PCDHGA7: variants seen among roughly 807,000 people sequenced by gnomAD.
PCDHGA7 encodes protocadherin gamma subfamily A, 7, also known as protocadherin gamma-A7.
Under a neutral mutation model 58.3 loss-of-function variants are expected in PCDHGA7, and 44 were observed. That is an observed-to-expected ratio of 0.75 (90% confidence interval 0.59 to 0.97). The LOEUF is 0.97. PCDHGA7 is among the 50% of genes least tolerant of loss of function. The probability of loss-of-function intolerance (pLI) is 0.00; values close to 1 mark genes in which losing one functional copy is unlikely to be tolerated. For missense variants in PCDHGA7, 1,266 were observed against 1,188.7 expected (o/e 1.06, Z -0.96); for synonymous variants, 516 against 504.2 (o/e 1.02, Z -0.31).
At chr5:141,456,341 C>G (rs950158154) in intron 1 of PCDHGA7, among the ~76,000 whole-genome samples, 4 of 152,034 alleles carry the variant, frequency 2.6e-5, no homozygotes, top group Admixed American at 1.3e-4. Context: ...TAAGGGTCCT[C>G]GGAAGAATGG....
chr5:141,415,096 G>A (rs1398998410), intron 1 of PCDHGA7: 3 of 1,613,462 alleles, frequency 1.9e-6, no homozygotes, highest in Non-Finnish European at 2.5e-6. Flanking sequence ...GGACAGAGAC[G>A]CGCTCAAGCA....
intron 1 of PCDHGA7, chr5:141,427,998 C>G: frequency 6.2e-7 from 1 of 1,600,956 alleles, no homozygotes; most frequent in Non-Finnish European, 8.6e-7. Context: ...TGGCTCCGCA[C>G]TCTTCGATAT....
intron 1 of PCDHGA7, chr5:141,428,087 G>A (rs2097108117): frequency 6.2e-7 from 1 of 1,609,106 alleles, no homozygotes; most frequent in Non-Finnish European, 8.5e-7. Context: ...ACAACGCTTG[G>A]CTGTCCTACC....
At chr5:141,422,167 A>G in intron 1 of PCDHGA7, 1 of 1,562,764 alleles carries the variant, frequency 6.4e-7, no homozygotes, top group Non-Finnish European at 8.6e-7. Context: ...TGAAAAATAT[A>G]GATTCTATGA....
Position 141,477,649 on chromosome 5 carries a change from A to G in PCDHGA7, c.2425-17158A>G, listed in dbSNP as rs2099415032. 3.7e-6 allele frequency: 6 copies of G among 1,614,076 alleles called. No individual in the cohort carries two copies. Among genetic ancestry groups the G allele is most frequent in the Non-Finnish European group, 5.1e-6 (6 of 1,180,048 alleles). ...CCGGGCTAGTGGGTCGCTATTTCAC[A>G]ATAAATCGTGACAATGGCATAGTGT... On this transcript the variant is annotated intron_variant, in intron 1 of 3. Transcript: ENST00000518325. The surrounding 1 kb of genome is among the most constrained non-coding windows in gnomAD (Gnocchi z 4.9).
rs543209695 is a variant in PCDHGA7, at chr5:141,431,563, C to A, written c.2424+46240C>A. The stretch of plus-strand genomic sequence containing the variant: ...AGCTGCTTGTAGTCAACGCTACCGA[C>A]CCTGACGAAGGAGTCAATGCGGAAG... On this transcript the variant is annotated intron_variant, in intron 1 of 3. Coordinates refer to ENST00000518325, the MANE Select transcript of PCDHGA7 (RefSeq NM_018920.4). The surrounding 1 kb of genome is among the most constrained non-coding windows in gnomAD (Gnocchi z 4.8). 1.2e-6 allele frequency: 2 copies of A among 1,614,144 alleles called. No individual in the cohort carries two copies. The highest frequency in any genetic ancestry group is 2.7e-5 in the African/African-American group (2 of 75,072).
Position 141,389,814 on chromosome 5 carries a change from G to C in PCDHGA7, c.2424+4491G>C, listed in dbSNP as rs753211260. 2.0e-5 allele frequency: 32 copies of C among 1,613,868 alleles called. No individual in the cohort carries two copies. In the Admixed American group the frequency reaches 5.0e-4, roughly 25 times the overall value. ...CGTCCGCCAGCGCCTTCTGGTCGCCGTGCGTGACGGTGGACAGCCACCACT... is the reference window on the plus strand; with the variant it reads ...CGTCCGCCAGCGCCTTCTGGTCGCCCTGCGTGACGGTGGACAGCCACCACT... On this transcript the variant is annotated intron_variant, in intron 1 of 3. Transcript: ENST00000518325.
In PCDHGA7 at chr5:141,413,207, C is replaced by G. The variant is rs563279284; in HGVS notation, c.2424+27884C>G. The G allele has an allele frequency of 2.1e-4, 334 of 1,612,874 alleles. 3 individuals carry two copies. In the South Asian group the frequency reaches 3.4e-3, roughly 17 times the overall value. On this transcript the variant is annotated intron_variant, in intron 1 of 3. Coordinates refer to ENST00000518325, the MANE Select transcript of PCDHGA7 (RefSeq NM_018920.4). ...GCTCAAAGGAATCGCTCAAAGGAAT[C>G]AAAGGATTGCAGCGGGCTGGTCCTG... is the stretch of plus-strand genomic sequence containing the variant.
At chr5:141,478,625 T>A in intron 1 of PCDHGA7, 3 of 1,554,218 alleles carry the variant, frequency 1.9e-6, no homozygotes, top group Non-Finnish European at 2.6e-6. Context: ...ATGGAGCTGT[T>A]TTTTTAGTGA....
chr5:141,421,933 G>A (rs1310432014), intron 1 of PCDHGA7: 1 of 1,613,446 alleles, frequency 6.2e-7, no homozygotes, highest in Non-Finnish European at 8.5e-7. Flanking sequence ...GGTCCTCGAT[G>A]TAAATGATCA....
intron 1 of PCDHGA7, chr5:141,413,694 C>G (rs2095667651): frequency 1.2e-6 from 2 of 1,613,800 alleles, no homozygotes; most frequent in East Asian, 4.5e-5. Context: ...CCCTGCAGAG[C>G]TATCAGCTCA....
At chr5:141,414,748 G>A in intron 1 of PCDHGA7, 5 of 1,614,182 alleles carry the variant, frequency 3.1e-6, no homozygotes, top group Non-Finnish European at 4.2e-6. Context: ...CAGATCCTTC[G>A]ACTATGAGCA....
chr5:141,393,731 T>C (rs1268576228), intron 1 of PCDHGA7: 1 of 1,613,754 alleles, frequency 6.2e-7, no homozygotes, highest in Non-Finnish European at 8.5e-7. Context: ...TAGCAAAAAG[T>C]CTAGATTATG....
At position 141,486,449 on chromosome 5, in the gene PCDHGA7, A is replaced by G; in HGVS notation, c.2425-8358A>G. On this transcript the variant is annotated intron_variant, in intron 1 of 3. Coordinates refer to ENST00000518325, the MANE Select transcript of PCDHGA7 (RefSeq NM_018920.4). The surrounding 1 kb of genome is among the most constrained non-coding windows in gnomAD (Gnocchi z 5.0). The stretch of plus-strand genomic sequence containing the variant: ...CAAATCTAGCTATGACATCATGGTC[A>G]CTGCTTCTGATGCTGGGAACCCTCC... The G allele has an allele frequency of 6.2e-7, 1 of 1,614,184 alleles. No homozygotes were observed. Among genetic ancestry groups the G allele is most frequent in the Non-Finnish European group, 8.5e-7 (1 of 1,180,000 alleles).
chr5:141,432,873 T>G lies in PCDHGA7; in HGVS notation c.2424+47550T>G, dbSNP rs753576338. The stretch of plus-strand genomic sequence containing the variant: ...GTGGCCGCGGTCTCCTGCGTCTTCC[T>G]GGCCTTCGTCATCTTGCTGCTGGCG... On this transcript the variant is annotated intron_variant, in intron 1 of 3. Transcript: ENST00000518325. This position sits in a 1 kb window ranked among gnomAD's most constrained non-coding sequence, Gnocchi z 6.0. 4 of 1,614,204 alleles carry G rather than the reference T, an allele frequency of 2.5e-6. No homozygotes were observed. The highest frequency in any genetic ancestry group is 3.4e-6 in the Non-Finnish European group (4 of 1,180,014).
At chr5:141,395,315 G>A in intron 1 of PCDHGA7, 1 of 1,486,272 alleles carries the variant, frequency 6.7e-7, no homozygotes, top group Middle Eastern at 1.8e-4. Context: ...AAAACATTGT[G>A]AAGATAGTTG....
intron 2 of PCDHGA7, among the ~76,000 whole-genome samples, chr5:141,499,780 G>A (rs776654854): frequency 1.4e-5 from 2 of 145,766 alleles, no homozygotes; most frequent in Non-Finnish European, 3.0e-5. Flanking sequence ...TTCGCCTCCC[G>A]GGTTCAAGCA....
At chr5:141,399,758 T>G in intron 1 of PCDHGA7, 1 of 1,613,334 alleles carries the variant, frequency 6.2e-7, no homozygotes, top group Non-Finnish European at 8.5e-7. Context: ...AACGTGAGCC[T>G]GCGCGTGTTG....
chr5:141,413,190 G>A (rs965319802), intron 1 of PCDHGA7: 11 of 1,607,556 alleles, frequency 6.8e-6, no homozygotes, highest in East Asian at 2.2e-5. Flanking sequence ...CCGCTCAAAG[G>A]AATCGCTCAA....
Sources: gnomAD v4.1 joint callset for allele counts (sites outside exome capture counted in the v4.1 genomes callset) on GRCh38, gnomAD v4.1.1 for gene constraint, Gnocchi (gnomAD v3.1) non-coding constraint, MANE v1.5 for transcripts, NCBI Gene and HGNC (gene_info 2026-07-23, HGNC 2026-07-21) for gene names.